MCM5: variants seen among roughly 807,000 people sequenced by gnomAD.
The protein encoded by MCM5 is minichromosome maintenance complex component 5, also known as DNA replication licensing factor MCM5.
A neutral mutation model predicts 79.9 loss-of-function variants in MCM5; 46 were observed. That is an observed-to-expected ratio of 0.58 (90% CI 0.45 to 0.74). The LOEUF is 0.74. Among genes scored for constraint, MCM5 ranks in the 30% least tolerant of loss-of-function variants. MCM5 has a pLI of 0.00. For synonymous variants in MCM5, 404 were observed against 390.5 expected (o/e 1.03, Z -0.41); for missense variants, 883 against 1,017.0 (o/e 0.87, Z 1.79).
chr22:35,434,380 A>G, the MCM5 span, among the ~76,000 whole-genome samples: 1 of 152,128 alleles, frequency 6.6e-6, no homozygotes, highest in Non-Finnish European at 1.5e-5. Context: ...GTCCCAAGTC[A>G]GTAACCTGAA....
chr22:35,405,974 G>T (rs1186687155), intron 4 of MCM5, among the ~76,000 whole-genome samples: 1 of 151,020 alleles, frequency 6.6e-6, no homozygotes, highest in Admixed American at 6.6e-5. Flanking sequence ...TCCTGCCATT[G>T]CACTCCAGCC....
rs780686854 is a variant in MCM5, at chr22:35,421,375, C to A, written c.1890C>A (p.Pro630=). 3.1e-6 allele frequency: 5 copies of A among 1,614,098 alleles called. No homozygotes were observed. The South Asian group carries it at 4.4e-5, about 14-fold the overall frequency. Residue 630 remains proline, a synonymous_variant, in exon 15 of 17, where the codon CCC becomes CCA. Coordinates refer to ENST00000216122, the MANE Select transcript of MCM5 (RefSeq NM_006739.4). ...CCCTCAGCAAGATGAAGCTGCAGCC[C>A]TTCGCCACAGAGGCAGATGTGGAGG... ...AEALSKMKLQ[P]FATEADVEEA...
chr22:35,453,404 TGACA>T, the MCM5 span, among the ~76,000 whole-genome samples: 1 of 148,546 alleles, frequency 6.7e-6, no homozygotes, highest in African/African-American at 2.5e-5. Context: ...AAGGAGACAC[TGACA>T]GAGTGATTCA....
intron 2 of MCM5, among the ~76,000 whole-genome samples, chr22:35,402,109 T>A (rs1304590266): frequency 6.6e-6 from 1 of 152,174 alleles, no homozygotes; most frequent in African/African-American, 2.4e-5. Flanking sequence ...TGGGATGCTC[T>A]GCTAAGCATC....
downstream of MCM5, among the ~76,000 whole-genome samples, chr22:35,426,101 G>C (rs8140062): frequency 0.37 from 56,457 of 151,988 alleles, 12,499 homozygotes; most frequent in Middle Eastern, 0.53. Context: ...TAGGTTCCCA[G>C]GGGTAGGTGG....
At chr22:35,415,002 C>A (rs1449199853) in intron 9 of MCM5, among the ~76,000 whole-genome samples, 2 of 152,120 alleles carry the variant, frequency 1.3e-5, no homozygotes, top group Non-Finnish European at 2.9e-5. Flanking sequence ...TGGCACTGTC[C>A]AGTAGAAATA....
the MCM5 span, among the ~76,000 whole-genome samples, chr22:35,436,734 G>A: frequency 6.6e-6 from 1 of 152,198 alleles, no homozygotes; most frequent in Non-Finnish European, 1.5e-5. Context: ...AGGCCATTCT[G>A]GGTCAGGACC....
At chr22:35,414,804 T>C (rs1932493753) in intron 9 of MCM5, among the ~76,000 whole-genome samples, 1 of 152,202 alleles carries the variant, frequency 6.6e-6, no homozygotes, top group Admixed American at 6.5e-5. Context: ...CAGGTCTCAC[T>C]GCTGGTAAGC....
chr22:35,400,500 CCGA>C lies in MCM5; in HGVS notation c.66_68del (p.Asp22del). On this transcript the variant is annotated inframe_deletion, in exon 2 of 17. Transcript: ENST00000216122. ...GACAGCTTCGGGGGCGACGCCCAGG[CCGA>C]CGAGGGGCAGGCCCGCAAATCGCAG... 1 of 1,614,108 alleles carries C rather than the reference CCGA, an allele frequency of 6.2e-7. No homozygotes were observed.
downstream of MCM5, among the ~76,000 whole-genome samples, chr22:35,429,895 C>T (rs1932801609): frequency 1.3e-5 from 2 of 152,168 alleles, no homozygotes; most frequent in African/African-American, 4.8e-5. Flanking sequence ...CATTCTAGAG[C>T]AAGACTTCTG....
At chr22:35,453,626 CAG>C in the MCM5 span, among the ~76,000 whole-genome samples, 8 of 148,408 alleles carry the variant, frequency 5.4e-5, no homozygotes, top group Admixed American at 2.7e-4. Flanking sequence ...GAGATAAAGA[CAG>C]AGACAGAGGG....
intron 4 of MCM5, among the ~76,000 whole-genome samples, chr22:35,404,251 C>G (rs1261242147): frequency 1.3e-5 from 2 of 152,182 alleles, no homozygotes; most frequent in Non-Finnish European, 2.9e-5. Context: ...TCAGATTGAC[C>G]AAATTACCTC....
At chr22:35,453,423 G>C in the MCM5 span, among the ~76,000 whole-genome samples, 1 of 144,082 alleles carries the variant, frequency 6.9e-6, no homozygotes, top group East Asian at 2.0e-4. Context: ...GATTCAGAGA[G>C]ACACAGAGAC....
chr22:35,430,596 A>G, the MCM5 span, among the ~76,000 whole-genome samples: 2 of 149,860 alleles, frequency 1.3e-5, no homozygotes, highest in South Asian at 2.1e-4. Context: ...TCCGCCTGCC[A>G]GTTTCAAGCA....
At chr22:35,420,588 G>A (rs1329756919) in intron 14 of MCM5, among the ~76,000 whole-genome samples, 1 of 152,170 alleles carries the variant, frequency 6.6e-6, no homozygotes, top group Non-Finnish European at 1.5e-5. Flanking sequence ...GATGGTATGG[G>A]GACTGGTGTG....
At chr22:35,450,077 A>G in the MCM5 span, among the ~76,000 whole-genome samples, 2 of 152,150 alleles carry the variant, frequency 1.3e-5, no homozygotes, top group Admixed American at 6.5e-5. Flanking sequence ...TGGGCTGAGA[A>G]GGAGACAGGG....
At chr22:35,419,568 CT>C (rs1932640968) in intron 13 of MCM5, among the ~76,000 whole-genome samples, 2 of 152,180 alleles carry the variant, frequency 1.3e-5, no homozygotes, top group South Asian at 4.1e-4. Context: ...TATGGGGGAC[CT>C]TGTGGCAAGA....
Position 35,424,264 on chromosome 22 carries a change from G to A in MCM5, c.*9G>A, listed in dbSNP as rs1221281264. ...TCTACCGCCTCAAGTGAGTCGCGCC[G>A]CCTCACTGGACTCATGGACTCGCCC... On this transcript the variant is annotated 3_prime_UTR_variant, in exon 17 of 17. Coordinates refer to ENST00000216122, the MANE Select transcript of MCM5 (RefSeq NM_006739.4). 3 of 1,536,888 alleles carry A rather than the reference G, an allele frequency of 2.0e-6. No individual in the cohort carries two copies. Among genetic ancestry groups the A allele is most frequent in the Non-Finnish European group, 2.6e-6 (3 of 1,137,558 alleles).
the MCM5 span, among the ~76,000 whole-genome samples, chr22:35,444,166 G>GGAGAGAGAGAGAGAGA: frequency 3.4e-5 from 5 of 147,908 alleles, no homozygotes; most frequent in African/African-American, 1.3e-4. Flanking sequence ...CTGACAGGCA[G>GGAGAGAGAGAGAGAGA]GAGAGAGAGA....
Sources: gnomAD v4.1 joint callset for allele counts (sites outside exome capture counted in the v4.1 genomes callset) on GRCh38, gnomAD v4.1.1 for gene constraint, MANE v1.5 for transcripts, NCBI Gene and HGNC (gene_info 2026-07-23, HGNC 2026-07-21) for gene names.